Variants in CFAP299 observed in about 807,000 individuals in gnomAD.
The protein encoded by CFAP299 is cilia and flagella associated protein 299, also known as cilia- and flagella-associated protein 299.
A neutral mutation model predicts 27.0 loss-of-function variants in CFAP299; 21 were observed. The ratio of observed to expected loss-of-function variants is 0.78; its 90% CI spans 0.55 to 1.12. CFAP299 has a LOEUF of 1.12. CFAP299 is among the 50% of genes most tolerant of loss of function. The pLI, the probability that CFAP299 is intolerant of heterozygous loss-of-function variation, is 0.00. For synonymous variants in CFAP299, 104 were observed against 98.1 expected, an observed-to-expected ratio of 1.06 and a Z score of -0.36; for missense variants, 310 against 276.6, an observed-to-expected ratio of 1.12 and a Z score of -0.86.
intron 3 of CFAP299, among the ~76,000 whole-genome samples, chr4:80,798,869 A>G (rs1422216964): frequency 6.6e-6 from 1 of 151,820 alleles, no homozygotes; most frequent in Non-Finnish European, 1.5e-5. Flanking sequence ...TTTATTTTGC[A>G]TAACTCTCTA....
intron 3 of CFAP299, among the ~76,000 whole-genome samples, chr4:80,689,073 A>G (rs1391940352): frequency 6.6e-6 from 1 of 152,220 alleles, no homozygotes; most frequent in Non-Finnish European, 1.5e-5. Flanking sequence ...TGATTGGTGT[A>G]CCTGAAAGTG....
intron 2 of CFAP299, among the ~76,000 whole-genome samples, chr4:80,512,948 A>G (rs567390493): frequency 3.9e-5 from 6 of 152,176 alleles, no homozygotes; most frequent in Non-Finnish European, 4.4e-5. Flanking sequence ...AAAGTAATTT[A>G]GTTAAAAGCA....
At chr4:80,511,360 A>T (rs927171418) in intron 2 of CFAP299, among the ~76,000 whole-genome samples, 2 of 152,138 alleles carry the variant, frequency 1.3e-5, no homozygotes, top group Non-Finnish European at 2.9e-5. Flanking sequence ...GCATCTAACA[A>T]TTTATTTTTT....
intron 5 of CFAP299, among the ~76,000 whole-genome samples, chr4:80,952,305 T>A (rs1737821636): frequency 6.6e-6 from 1 of 152,078 alleles, no homozygotes; most frequent in Admixed American, 6.5e-5. Flanking sequence ...TTAAAAAAAA[T>A]TGAGGTTAAC....
At chr4:80,856,204 T>C (rs1486376074) in intron 3 of CFAP299, among the ~76,000 whole-genome samples, 2 of 151,360 alleles carry the variant, frequency 1.3e-5, no homozygotes, top group East Asian at 3.9e-4. Flanking sequence ...ATAAATGTCT[T>C]CTTTTGAGAA....
chr4:80,434,730 G>C (rs1247482518), intron 2 of CFAP299, among the ~76,000 whole-genome samples: 1 of 152,230 alleles, frequency 6.6e-6, no homozygotes, highest in African/African-American at 2.4e-5. Context: ...GGTGCATAAA[G>C]AGGTATAACC....
intron 4 of CFAP299, among the ~76,000 whole-genome samples, chr4:80,937,675 A>G (rs1169182415): frequency 6.6e-6 from 1 of 152,162 alleles, no homozygotes; most frequent in Non-Finnish European, 1.5e-5. Context: ...TTTTATTACA[A>G]AATTGATTTA....
chr4:80,557,339 C>T (rs899450749), intron 2 of CFAP299, among the ~76,000 whole-genome samples: 14 of 152,042 alleles, frequency 9.2e-5, no homozygotes, highest in African/African-American at 3.4e-4. Flanking sequence ...TCACCTTCTC[C>T]TGAGTGTGTT....
chr4:80,479,098 G>A (rs1730429170), intron 2 of CFAP299, among the ~76,000 whole-genome samples: 2 of 151,820 alleles, frequency 1.3e-5, no homozygotes. Context: ...ATTTATTCTA[G>A]CAAAGTGAAA....
intron 2 of CFAP299, among the ~76,000 whole-genome samples, chr4:80,531,756 T>G (rs1022091391): frequency 7.9e-5 from 10 of 126,850 alleles, no homozygotes; most frequent in Non-Finnish European, 1.1e-4. Context: ...AGTTTTTTTT[T>G]TTTTTTTTTT....
At chr4:80,570,297 A>G (rs1162697156) in intron 2 of CFAP299, among the ~76,000 whole-genome samples, 1 of 152,030 alleles carries the variant, frequency 6.6e-6, no homozygotes, top group African/African-American at 2.4e-5. Context: ...TATATATTCA[A>G]ATTAGATTTA....
At chr4:80,712,833 CTG>C (rs1465551711) in intron 3 of CFAP299, among the ~76,000 whole-genome samples, 1 of 152,146 alleles carries the variant, frequency 6.6e-6, no homozygotes, top group Non-Finnish European at 1.5e-5. Flanking sequence ...TATCTGAAGA[CTG>C]TTTTTCATAA....
Position 80,549,327 on chromosome 4 carries a change from A to C in CFAP299, c.243-33766A>C, listed in dbSNP as rs183482155. Reference sequence around the variant, plus strand: ...GAACAGTGGGAGAAATGATAGAAGAAATCGAATGGATTGTAGATATATTAT... The same window carrying C: ...GAACAGTGGGAGAAATGATAGAAGACATCGAATGGATTGTAGATATATTAT... On this transcript the variant is annotated intron_variant, in intron 2 of 5. Transcript: ENST00000358105. Among the ~76,000 whole-genome samples, 136 of 152,248 alleles carry C rather than the reference A, an allele frequency of 8.9e-4. 1 individual carries two copies. The highest frequency in any genetic ancestry group is 3.1e-3 in the African/African-American group (128 of 41,550).
chr4:80,650,851 G>A (rs780095376), intron 3 of CFAP299, among the ~76,000 whole-genome samples: 1 of 151,764 alleles, frequency 6.6e-6, no homozygotes, highest in Admixed American at 6.6e-5. Context: ...ATGGACTTTG[G>A]GACTCAGGGG....
chr4:80,917,311 T>A (rs1560476009), intron 4 of CFAP299, among the ~76,000 whole-genome samples: 1 of 152,146 alleles, frequency 6.6e-6, no homozygotes, highest in Non-Finnish European at 1.5e-5. Context: ...AAAGATACTG[T>A]CAATATGGAT....
In CFAP299 at chr4:80,583,102, A is replaced by AGTT; in HGVS notation, c.252_253insGTT (p.Thr84_Ser85insVal). On this transcript the variant is annotated inframe_insertion, in exon 3 of 6. Transcript: ENST00000358105. ...GATCTGCCTTTTACAGGACGCTAAC[A>AGTT]AGTGCTGGTAAAGACCTACAAGATA... 6.2e-7 allele frequency: 1 copy of AGTT among 1,600,494 alleles called. No homozygotes were observed. The highest frequency in any genetic ancestry group is 8.5e-7 in the Non-Finnish European group (1 of 1,171,616).
chr4:80,586,736 A>G (rs1354513994), intron 3 of CFAP299, among the ~76,000 whole-genome samples: 6 of 152,172 alleles, frequency 3.9e-5, no homozygotes, highest in African/African-American at 1.4e-4. Flanking sequence ...GTTGAGTGAA[A>G]AAAAATAAAA....
At chr4:80,800,774 T>C (rs542896872) in intron 3 of CFAP299, among the ~76,000 whole-genome samples, 3 of 136,394 alleles carry the variant, frequency 2.2e-5, no homozygotes, top group Non-Finnish European at 3.0e-5. Context: ...TGTGTATATA[T>C]ATATATGTAT....
At chr4:80,412,568 CAGAG>C (rs1053515702) in intron 2 of CFAP299, among the ~76,000 whole-genome samples, 6 of 151,994 alleles carry the variant, frequency 3.9e-5, no homozygotes, top group Non-Finnish European at 7.4e-5. Context: ...GACCTTGCCT[CAGAG>C]AGAGAAAGCT....
Sources: allele counts gnomAD v4.1 joint callset (sites outside exome capture counted in the v4.1 genomes callset), GRCh38; gene constraint gnomAD v4.1.1; transcripts MANE v1.5; gene names NCBI Gene and HGNC (gene_info 2026-07-23, HGNC 2026-07-21).